Variants in MGAT1 observed in about 807,000 individuals in gnomAD.
The protein encoded by MGAT1 is N-glycosyl-oligosaccharide-glycoprotein N-acetylglucosaminyltransferase I.
A neutral mutation model predicts 31.7 loss-of-function variants in MGAT1; 14 were observed. The observed-to-expected ratio is 0.44, with a 90% CI of 0.29 to 0.69. The LOEUF (loss-of-function observed/expected upper bound fraction) is 0.69. MGAT1 is among the 30% of genes least tolerant of loss of function. The pLI is 0.12. For missense variants in MGAT1, 557 were observed against 626.0 expected (o/e 0.89, Z 1.18); for synonymous variants, 338 against 276.0 (o/e 1.22, Z -2.23).
intron 2 of MGAT1, chr5:180,808,617 C>T (rs1218955805): frequency 6.6e-6 from 1 of 152,288 alleles, no homozygotes; most frequent in Non-Finnish European, 1.5e-5. Flanking sequence ...CACAGCAAGA[C>T]ATTAAGTGGG....
rs375733828 is a variant in MGAT1, at chr5:180,814,480, ACCCAC to A, written c.-546+929_-546+933del. Among the ~76,000 whole-genome samples the A allele has an allele frequency of 8.6e-4, 131 of 151,686 alleles. 2 individuals carry two copies. The South Asian group carries it at 0.026, about 30-fold the overall frequency. ...GCAGGCTTCTCCCTTTTCTCTCTTT[ACCCAC>A]CACTTGCTGTACAAATGCGGAGTTC... On this transcript the variant is annotated intron_variant, in intron 1 of 2. Transcript: ENST00000333055.
At chr5:180,803,586 CT>C (rs896630147), upstream of MGAT1, 1 of 152,302 alleles carries the variant, frequency 6.6e-6, no homozygotes, top group African/African-American at 2.4e-5. Context: ...AGGGACAGCT[CT>C]TCCATAGCAA....
intron 1 of MGAT1, among the ~76,000 whole-genome samples, chr5:180,813,654 G>A (rs1171275467): frequency 6.6e-6 from 1 of 152,048 alleles, no homozygotes; most frequent in East Asian, 1.9e-4. Context: ...AGAGTCTCGC[G>A]GACTGTCATT....
chr5:180,796,160 T>C (rs1290023525), intron 1 of MGAT1, among the ~76,000 whole-genome samples: 1 of 152,124 alleles, frequency 6.6e-6, no homozygotes, highest in African/African-American at 2.4e-5. Context: ...ATCTAACCTC[T>C]GAGGCTCTGG....
intron 1 of MGAT1, among the ~76,000 whole-genome samples, chr5:180,814,303 C>T (rs901757368): frequency 1.3e-5 from 2 of 152,186 alleles, no homozygotes; most frequent in African/African-American, 4.8e-5. Flanking sequence ...AAAGAAACAA[C>T]CACACTCACT....
chr5:180,792,415 G>A lies in MGAT1; in HGVS notation c.557C>T (p.Ala186Val). 1.9e-6 allele frequency: 3 copies of A among 1,610,556 alleles called. No homozygotes were observed. Among genetic ancestry groups the A allele is most frequent in the Non-Finnish European group, 2.5e-6 (3 of 1,177,916 alleles). The change falls in exon 2 of 2, where the codon GCG becomes GTG. Residue 186 changes from alanine to valine, a missense_variant. By Grantham distance (64) the Ala-to-Val change is moderately conservative. Transcript: ENST00000307826. ...HRKFQGYYKI[A>V]RHYRWALGQV... is the part of the protein sequence containing the mutation. ...GCCCAGCGCCCAGCGGTAGTGGCGC[G>A]CGATCTTGTAGTAGCCCTGGAACTT...
Position 180,792,786 on chromosome 5 carries a change from C to G in MGAT1, c.186G>C (p.Glu62Asp). ...GCCCACGCTGCCGCTCCAGCTCCAC[C>G]TCGGCGTCTTGGGCCAGGCGAATCA... ...REVIRLAQDAEVELERQRGLL... is the reference protein window; with the variant it reads ...REVIRLAQDADVELERQRGLL... Residue 62 changes from glutamate to aspartate, a missense_variant, in exon 2 of 2, where the codon GAG becomes GAC. By Grantham distance (45) the Glu-to-Asp change is conservative. Around this residue, in one of 3 missense-constraint regions of MGAT1, gnomAD observed 167 missense variants for 149.8 expected, o/e 1.11. Coordinates refer to ENST00000307826, the MANE Select transcript of MGAT1 (RefSeq NM_002406.4). 1 of 1,551,698 alleles carries G rather than the reference C, an allele frequency of 6.4e-7. No homozygotes were observed. Among genetic ancestry groups the G allele is most frequent in the Non-Finnish European group, 8.7e-7 (1 of 1,148,172 alleles).
intron 1 of MGAT1, among the ~76,000 whole-genome samples, chr5:180,797,579 C>T (rs1014633005): frequency 1.3e-5 from 2 of 152,170 alleles, no homozygotes; most frequent in Non-Finnish European, 2.9e-5. Flanking sequence ...TGGTGGCCCA[C>T]ACCCACTACC....
rs979114413 is a variant in MGAT1 at position 180,789,227 on chromosome 5, T to C, written c.*2407A>G. On this transcript the variant is annotated 3_prime_UTR_variant, in exon 2 of 2. Transcript: ENST00000307826. ...AGCTCCCCAGACAACTCTGCCACCA[T>C]CTGGTGTCGAGCTCCAAAGTAGTTT... 6 of 152,280 alleles carry C rather than the reference T, an allele frequency of 3.9e-5. No individual in the cohort carries two copies. Among genetic ancestry groups the C allele is most frequent in the Admixed American group, 3.3e-4 (5 of 15,280 alleles). 9.4% of individuals were successfully genotyped at this position (152,280 alleles called of 1,614,324 possible).
At chr5:180,798,202 C>T (rs571927894) in intron 1 of MGAT1, among the ~76,000 whole-genome samples, 1 of 152,322 alleles carries the variant, frequency 6.6e-6, no homozygotes, top group Admixed American at 6.5e-5. Flanking sequence ...TAGAACAGTG[C>T]CGGCATGACA....
At chr5:180,794,324 G>C (rs957845233) in intron 1 of MGAT1, among the ~76,000 whole-genome samples, 1 of 151,644 alleles carries the variant, frequency 6.6e-6, no homozygotes, top group Non-Finnish European at 1.5e-5. Context: ...GGGAGGCTGA[G>C]GCTGTAGTGA....
At position 180,790,440 on chromosome 5, in the gene MGAT1, T is replaced by G. The variant is rs1767895562; in HGVS notation, c.*1194A>C. The G allele has an allele frequency of 6.6e-6, 1 of 152,470 alleles. No individual in the cohort carries two copies. Among genetic ancestry groups the G allele is most frequent in the African/African-American group, 2.4e-5 (1 of 41,458 alleles). 9.4% of individuals were successfully genotyped at this position (152,470 alleles called of 1,614,324 possible). On this transcript the variant is annotated 3_prime_UTR_variant, in exon 2 of 2. Transcript: ENST00000307826. ...CTCATCTGCTTTCTTTCCTCAACTTTGCTTCCTCCCACCCGTCTAGCCCTC... is the reference window on the plus strand; with the variant it reads ...CTCATCTGCTTTCTTTCCTCAACTTGGCTTCCTCCCACCCGTCTAGCCCTC...
rs1053642481 is a variant in MGAT1, at chr5:180,788,941, T to C, written c.*2693A>G. The C allele has an allele frequency of 6.6e-6, 1 of 152,286 alleles. No homozygotes were observed. The highest frequency in any genetic ancestry group is 1.5e-5 in the Non-Finnish European group (1 of 68,078). 9.4% of individuals were successfully genotyped at this position (152,286 alleles called of 1,614,324 possible). A position where few individuals can be genotyped will look rare whatever the true frequency, so the allele number is the denominator to read the frequency against. On this transcript the variant is annotated 3_prime_UTR_variant, in exon 2 of 2. Transcript: ENST00000307826. ...CATGACATGCTATGCGCATGGAGCG[T>C]GGCGGCCAAACTCCTCCTGGCTCCA... is the stretch of plus-strand genomic sequence containing the variant.
At chr5:180,802,645 C>T (rs1023342907) in intron 1 of MGAT1, 35 bp downstream of exon 1, 1 of 152,524 alleles carries the variant, frequency 6.6e-6, no homozygotes, top group Non-Finnish European at 1.5e-5. Context: ...CGAGGCCTCC[C>T]CCGGTCTGAC....
At chr5:180,810,068 G>C (rs1470099354) in intron 1 of MGAT1, 2 of 144,716 alleles carry the variant, frequency 1.4e-5, no homozygotes, top group Non-Finnish European at 3.0e-5. Flanking sequence ...GTCTCGGCTA[G>C]GAGCCGCGGC....
In MGAT1 at chr5:180,792,702, G is replaced by A. The variant is rs1003725268; in HGVS notation, c.270C>T (p.Ala90=). 9 of 1,549,786 alleles carry A rather than the reference G, an allele frequency of 5.8e-6. No homozygotes were observed. The highest frequency in any genetic ancestry group is 7.8e-6 in the Non-Finnish European group (9 of 1,149,658). ...CAGGCACACGCGGCTGGGCGGGAGG[G>A]GCCGCGGTGGGCACCCTCCCCCGCT... The part of the protein sequence containing the change: ...SSQRGRVPTA[A]PPAQPRVPVT... Residue 90 remains alanine (A), a synonymous_variant, in exon 2 of 2, where the codon GCC becomes GCT. Transcript: ENST00000307826.
chr5:180,793,149 T>C lies in MGAT1; in HGVS notation c.-126-52A>G, dbSNP rs372057168. The C allele has an allele frequency of 2.7e-4, 200 of 745,352 alleles. No homozygotes were observed. In the East Asian group the frequency reaches 3.1e-3, roughly 12 times the overall value. 46.2% of individuals were successfully genotyped at this position (745,352 alleles called of 1,614,324 possible). A position where few individuals can be genotyped will look rare whatever the true frequency, so the allele number is the denominator to read the frequency against. On this transcript the variant is annotated intron_variant, in intron 1 of 1. Coordinates refer to ENST00000307826, the MANE Select transcript of MGAT1 (RefSeq NM_002406.4). ...CGTCACACAAAGGCTCGTGGCTCCATGCCCCACAGGTAGAGGAAATGGGGG... is the reference window on the plus strand; with the variant it reads ...CGTCACACAAAGGCTCGTGGCTCCACGCCCCACAGGTAGAGGAAATGGGGG...
At chr5:180,814,706 C>A (rs1772760816) in intron 1 of MGAT1, among the ~76,000 whole-genome samples, 1 of 152,076 alleles carries the variant, frequency 6.6e-6, no homozygotes, top group Non-Finnish European at 1.5e-5. Context: ...CTTTGGGAGG[C>A]TGAGGCGGGT....
intron 1 of MGAT1, among the ~76,000 whole-genome samples, chr5:180,799,304 A>G (rs1561850025): frequency 6.6e-6 from 1 of 152,098 alleles, no homozygotes; most frequent in African/African-American, 2.4e-5. Context: ...CTTTTTCCCC[A>G]GTAAGCATAT....
Sources: allele counts gnomAD v4.1 joint callset (sites outside exome capture counted in the v4.1 genomes callset), GRCh38; gene constraint gnomAD v4.1.1; regional missense constraint gnomAD v4.1.1; transcripts MANE v1.5; gene names NCBI Gene and HGNC (gene_info 2026-07-23, HGNC 2026-07-21).